The following MALRD1 variants were observed in gnomAD, a reference collection of about 807,000 sequenced individuals.
MALRD1 encodes the protein MAM and LDL-receptor class A domain-containing protein 1.
A neutral mutation model predicts 242.1 loss-of-function variants in MALRD1; 247 were observed. That is an observed-to-expected ratio of 1.02 (90% CI 0.92 to 1.13). The LOEUF (loss-of-function observed/expected upper bound fraction) is 1.13, where lower values mean the gene tolerates loss of function less well. MALRD1 is among the 50% of genes most tolerant of loss of function. The pLI is 0.00. For synonymous variants in MALRD1, 995 were observed against 866.6 expected (o/e 1.15, Z -2.60); for missense variants, 2,989 against 2,533.1 (o/e 1.18, Z -3.86).
intron 5 of MALRD1, among the ~76,000 whole-genome samples, chr10:19,116,544 A>G (rs1836876347): frequency 6.6e-6 from 1 of 152,206 alleles, no homozygotes; most frequent in African/African-American, 2.4e-5. Flanking sequence ...TGTCAATTAT[A>G]ACTTTTACCA....
At chr10:19,187,915 T>C (rs1196366097) in intron 14 of MALRD1, among the ~76,000 whole-genome samples, 2 of 152,174 alleles carry the variant, frequency 1.3e-5, no homozygotes, top group Non-Finnish European at 2.9e-5. Context: ...AACATTGCCA[T>C]GTAACAAATA....
intron 4 of MALRD1, among the ~76,000 whole-genome samples, chr10:19,100,527 A>G (rs891610462): frequency 6.6e-6 from 1 of 152,208 alleles, no homozygotes; most frequent in African/African-American, 2.4e-5. Flanking sequence ...GGAAATGAGA[A>G]TGGAAGAGAA....
At chr10:19,564,011 GAAA>G (rs1177013015) in intron 32 of MALRD1, among the ~76,000 whole-genome samples, 3 of 152,188 alleles carry the variant, frequency 2.0e-5, no homozygotes, top group Non-Finnish European at 4.4e-5. Flanking sequence ...TCTGCCATGA[GAAA>G]AAGATTCTTG....
chr10:19,517,580 A>T (rs1298328795), intron 31 of MALRD1, among the ~76,000 whole-genome samples: 1 of 152,184 alleles, frequency 6.6e-6, no homozygotes, highest in Non-Finnish European at 1.5e-5. Context: ...CATAGTTCTT[A>T]TATATGAAAT....
chr10:19,333,931 C>T lies in MALRD1; in HGVS notation c.3901+2349C>T, dbSNP rs916672982. ...AGCATTTCTTTCATATGTTTGTTGC[C>T]CCTTGTTTGTCTTCTTTTGAAAAGT... On this transcript the variant is annotated intron_variant, in intron 24 of 39. Coordinates refer to ENST00000454679, the MANE Select transcript of MALRD1 (RefSeq NM_001142308.3). Among the ~76,000 whole-genome samples the T allele has an allele frequency of 2.6e-5, 4 of 151,526 alleles. No individual in the cohort carries two copies. In the East Asian group the frequency reaches 7.8e-4, roughly 30 times the overall value.
intron 18 of MALRD1, among the ~76,000 whole-genome samples, chr10:19,237,956 T>TA: frequency 0.013 from 492 of 37,094 alleles, 46 homozygotes; most frequent in Middle Eastern, 0.062. Context: ...ATAAATTATA[T>TA]GTAATTTTAT....
At chr10:19,243,191 A>T (rs1158457110) in intron 18 of MALRD1, among the ~76,000 whole-genome samples, 1 of 150,302 alleles carries the variant, frequency 6.7e-6, no homozygotes, top group Non-Finnish European at 1.5e-5. Flanking sequence ...TCACATAAAA[A>T]TACTCTTGAC....
rs55668034 is a variant in MALRD1, at chr10:19,163,115, A to G, written c.1657-2522A>G. On this transcript the variant is annotated intron_variant, in intron 12 of 39. Transcript: ENST00000454679. Reference sequence around the variant, plus strand: ...ATCATGCCACTGCACTCCAGCCTGAACAACTGGAGTGAAACCCTGTCTAAA... The same window carrying G: ...ATCATGCCACTGCACTCCAGCCTGAGCAACTGGAGTGAAACCCTGTCTAAA... Among the ~76,000 whole-genome samples the G allele has an allele frequency of 9.4e-3, 1,310 of 138,834 alleles. 21 individuals are homozygous for G. The highest frequency in any genetic ancestry group is 0.032 in the African/African-American group (1,179 of 36,568). The allele number at this position is 138,834 out of a possible 152,430, so 91.1% of individuals were successfully genotyped here. A position where few individuals can be genotyped will look rare whatever the true frequency, so the allele number is the denominator to read the frequency against.
intron 17 of MALRD1, among the ~76,000 whole-genome samples, chr10:19,208,031 GA>G: frequency 6.6e-6 from 1 of 151,862 alleles, no homozygotes; most frequent in Admixed American, 6.6e-5. Flanking sequence ...TGCTCAGAAT[GA>G]ACTGCAACTC....
chr10:19,142,632 C>T (rs935335775), intron 10 of MALRD1, among the ~76,000 whole-genome samples: 44 of 152,176 alleles, frequency 2.9e-4, no homozygotes, highest in African/African-American at 9.2e-4. Context: ...GATGGTGAAG[C>T]GTATTCTGTA....
rs1241853879 is a variant in MALRD1, at chr10:19,690,493, G to T, written c.6138-1789G>T. Among the ~76,000 whole-genome samples the T allele has an allele frequency of 2.0e-5, 3 of 152,064 alleles. No individual in the cohort carries two copies. The East Asian group carries it at 5.8e-4, about 29-fold the overall frequency. On this transcript the variant is annotated intron_variant, in intron 36 of 39. Coordinates refer to ENST00000454679, the MANE Select transcript of MALRD1 (RefSeq NM_001142308.3). ...AGTTCAGAATTGGAGAATATCCTGG[G>T]CCTCTAAATGGGTGACGAGGTTTAT...
intron 29 of MALRD1, among the ~76,000 whole-genome samples, chr10:19,471,235 A>G (rs950023652): frequency 6.6e-6 from 1 of 151,812 alleles, no homozygotes; most frequent in African/African-American, 2.4e-5. Context: ...AAAATTAGTT[A>G]GTCCTACATG....
chr10:19,592,765 A>G (rs7082080), intron 33 of MALRD1, among the ~76,000 whole-genome samples: 58,245 of 145,066 alleles, frequency 0.4, 12,083 homozygotes, highest in Non-Finnish European at 0.45. Context: ...ACACACACGC[A>G]CGCACACACA....
chr10:19,250,784 A>G (rs530365270), intron 18 of MALRD1, among the ~76,000 whole-genome samples: 1 of 151,988 alleles, frequency 6.6e-6, no homozygotes, highest in Non-Finnish European at 1.5e-5. Context: ...TAGATTCCAA[A>G]GTAAAGATCA....
In MALRD1 at chr10:19,205,230, A is replaced by G. The variant is rs1836733212; in HGVS notation, c.2543A>G (p.Asp848Gly). 3.2e-6 allele frequency: 5 copies of G among 1,550,798 alleles called. No homozygotes were observed. The highest frequency in any genetic ancestry group is 4.4e-6 in the Non-Finnish European group (5 of 1,147,028). The part of the protein sequence containing the change: ...IEKLRLCDLV[D>G]DCGDRTDEVN... The stretch of plus-strand genomic sequence containing the variant: ...AAGCTTCGGTTATGTGATCTGGTGG[A>G]TGACTGTGGTGATCGTACTGATGAA... Residue 848 changes from aspartate to glycine, a missense_variant, in exon 17 of 40, where the codon GAT becomes GGT. Physicochemically the swap from Asp to Gly is moderately conservative, Grantham distance 94. Transcript: ENST00000454679.
intron 26 of MALRD1, among the ~76,000 whole-genome samples, chr10:19,381,897 A>G (rs1845854046): frequency 6.6e-6 from 1 of 152,002 alleles, no homozygotes; most frequent in Non-Finnish European, 1.5e-5. Flanking sequence ...AAGCAACATG[A>G]GAGTTCAGGG....
intron 29 of MALRD1, among the ~76,000 whole-genome samples, chr10:19,472,147 C>G (rs1836527907): frequency 6.6e-6 from 1 of 151,994 alleles, no homozygotes; most frequent in Non-Finnish European, 1.5e-5. Context: ...TTTTCTCCAT[C>G]TATTGAAATG....
At position 19,595,282 on chromosome 10, in the gene MALRD1, T is replaced by C; in HGVS notation, c.5769T>C (p.Cys1923=). Residue 1923 remains cysteine (C), a synonymous_variant, in exon 34 of 40, where the codon TGT becomes TGC. Transcript: ENST00000454679. ...AATGTGTCCCTCTCTCAGGGAAATGTGATGGACATGAAGACTGCATAGATG... is the reference window on the plus strand; with the variant it reads ...AATGTGTCCCTCTCTCAGGGAAATGCGATGGACATGAAGACTGCATAGATG... The part of the protein sequence containing the change: ...TLQCVPLSGK[C]DGHEDCIDGS... 1 of 1,550,766 alleles carries C rather than the reference T, an allele frequency of 6.4e-7. No individual in the cohort carries two copies. The highest frequency in any genetic ancestry group is 8.7e-7 in the Non-Finnish European group (1 of 1,146,978).
At chr10:19,133,607 T>C (rs1359237374) in intron 8 of MALRD1, among the ~76,000 whole-genome samples, 1 of 152,192 alleles carries the variant, frequency 6.6e-6, no homozygotes, top group African/African-American at 2.4e-5. Context: ...AAAGATTTCA[T>C]CCAAATTTTT....
Sources: gnomAD v4.1 joint callset for allele counts (sites outside exome capture counted in the v4.1 genomes callset) on GRCh38, gnomAD v4.1.1 for gene constraint, MANE v1.5 for transcripts, NCBI Gene and HGNC (gene_info 2026-07-23, HGNC 2026-07-21) for gene names.